The following DNAJC21 variants were observed in gnomAD, a reference collection of about 807,000 sequenced individuals.
DNAJC21 encodes the protein DnaJ heat shock protein family (Hsp40) member C21.
A neutral mutation model predicts 72.4 loss-of-function variants in DNAJC21; 63 were observed. The observed-to-expected ratio is 0.87, with a 90% CI of 0.71 to 1.07. DNAJC21 has a LOEUF of 1.07. Among genes scored for constraint, DNAJC21 ranks in the 50% least tolerant of loss-of-function variants. The probability of loss-of-function intolerance (pLI) is 0.00; values close to 1 mark genes in which losing one functional copy is unlikely to be tolerated. For missense variants in DNAJC21, 634 were observed against 644.8 expected (o/e 0.98, Z 0.18); for synonymous variants, 203 against 216.7 (o/e 0.94, Z 0.56).
chr5:34,951,745 T>C (rs1765374024), intron 10 of DNAJC21: 2 of 935,442 alleles, frequency 2.1e-6, no homozygotes, highest in African/African-American at 3.6e-5. Flanking sequence ...AGGGTGGTCT[T>C]GAACTCCTGA....
At chr5:34,949,749 T>C (rs956981666) in intron 9 of DNAJC21, 1 of 1,591,776 alleles carries the variant, frequency 6.3e-7, no homozygotes, top group Non-Finnish European at 8.6e-7. Flanking sequence ...TGTTTGTGAC[T>C]GTAGAAGAAT....
chr5:34,937,685 A>C, intron 5 of DNAJC21, 55 bp downstream of exon 5: 1 of 1,543,278 alleles, frequency 6.5e-7, no homozygotes, highest in Non-Finnish European at 8.7e-7. Flanking sequence ...CAGAGGCAGC[A>C]CCAGAGGTAC....
chr5:34,941,560 C>CTTTTT lies in DNAJC21; in HGVS notation c.983+396_983+400dup, dbSNP rs765889955. 5.7e-4 allele frequency among the ~76,000 whole-genome samples: 43 copies of CTTTTT among 76,092 alleles called. 2 individuals carry two copies. The highest frequency in any genetic ancestry group is 7.6e-4 in the Non-Finnish European group (32 of 42,008). 49.9% of individuals were successfully genotyped at this position (76,092 alleles called of 152,430 possible). ...TTTAGTATCTCTGAACTTGTGTTTT[C>CTTTTT]TTTTTTTTTTTTTTTTTTTTTTTGG... On this transcript the variant is annotated intron_variant, in intron 7 of 11. Transcript: ENST00000648817.
rs1272552705 is a variant in DNAJC21 at position 34,955,556 on chromosome 5, T to C, written c.*842T>C. On this transcript the variant is annotated 3_prime_UTR_variant, in exon 12 of 12. Transcript: ENST00000648817. Reference sequence around the variant, plus strand: ...AGAAGTTTTTGTTCTTTTTTTTTTTTCCATCACTCAGTGGAGAAAAGCTTT... The same window carrying C: ...AGAAGTTTTTGTTCTTTTTTTTTTTCCCATCACTCAGTGGAGAAAAGCTTT... 1 of 144,616 alleles carries C rather than the reference T, an allele frequency of 6.9e-6. No homozygotes were observed. Among genetic ancestry groups the C allele is most frequent in the African/African-American group, 2.5e-5 (1 of 39,602 alleles). 9.0% of individuals were successfully genotyped at this position (144,616 alleles called of 1,614,324 possible).
rs578162596 is a variant in DNAJC21, at chr5:34,956,779, G to A, written c.*2065G>A. 6.6e-6 allele frequency: 1 copy of A among 152,288 alleles called. No individual in the cohort carries two copies. Among genetic ancestry groups the A allele is most frequent in the South Asian group, 2.1e-4 (1 of 4,830 alleles). 9.4% of individuals were successfully genotyped at this position (152,288 alleles called of 1,614,324 possible). A position where few individuals can be genotyped will look rare whatever the true frequency, so the allele number is the denominator to read the frequency against. On this transcript the variant is annotated 3_prime_UTR_variant, in exon 12 of 12. Coordinates refer to ENST00000648817, the MANE Select transcript of DNAJC21 (RefSeq NM_001012339.3). ...CATAATTTTCAAGGGATCTTCATGG[G>A]TTGTGACTGGAAGCTGACCTTAGTC... is the stretch of plus-strand genomic sequence containing the variant.
At chr5:34,940,977 C>T (rs1764966386) in intron 6 of DNAJC21, 119 bp from the exon 7 acceptor site, 1 of 833,250 alleles carries the variant, frequency 1.2e-6, no homozygotes, top group Non-Finnish European at 1.9e-6. Context: ...CAACTCAAAT[C>T]CTTAGGATTA....
At chr5:34,933,697 T>A in intron 1 of DNAJC21, 118 bp from the exon 2 acceptor site, 4 of 661,682 alleles carry the variant, frequency 6.0e-6, no homozygotes, top group Non-Finnish European at 1.0e-5. Context: ...TGCTTGGCCC[T>A]GGTTGTTTCT....
intron 1 of DNAJC21, among the ~76,000 whole-genome samples, chr5:34,932,911 C>T (rs775268573): frequency 1.3e-4 from 20 of 152,362 alleles, no homozygotes; most frequent in Non-Finnish European, 2.9e-4. Context: ...CTTCTGCCAT[C>T]TCCTGTTGGT....
At chr5:34,935,130 G>A (rs1205344684) in intron 2 of DNAJC21, among the ~76,000 whole-genome samples, 1 of 152,192 alleles carries the variant, frequency 6.6e-6, no homozygotes, top group Non-Finnish European at 1.5e-5. Flanking sequence ...CAATGTAGGA[G>A]ACCTGCTTCT....
At chr5:34,954,196 A>C (rs751967640) in intron 11 of DNAJC21, 195 bp downstream of exon 11, 11 of 524,574 alleles carry the variant, frequency 2.1e-5, no homozygotes, top group Non-Finnish European at 9.8e-6. Flanking sequence ...TGGAAATGCT[A>C]GACTGTACCA....
chr5:34,946,962 GA>G (rs1765192242), intron 9 of DNAJC21, among the ~76,000 whole-genome samples: 1 of 152,132 alleles, frequency 6.6e-6, no homozygotes, highest in African/African-American at 2.4e-5. Flanking sequence ...TCTCGTTTAT[GA>G]TTCCTGATTG....
intron 9 of DNAJC21, 58 bp downstream of exon 9, chr5:34,945,861 A>G: frequency 8.1e-7 from 1 of 1,235,424 alleles, no homozygotes; most frequent in South Asian, 1.4e-5. Flanking sequence ...CAGTGCTCTT[A>G]TTTATTCAGT....
In DNAJC21 at chr5:34,936,986, G is replaced by A. The variant is rs28762981; in HGVS notation, c.439-340G>A. On this transcript the variant is annotated intron_variant, in intron 4 of 11. Transcript: ENST00000648817. Reference sequence around the variant, plus strand: ...GGCTGGTTTCAAACTCCTGACCTCAGGTGATCCACCCACCTCAGCCTTCCA... The same window carrying A: ...GGCTGGTTTCAAACTCCTGACCTCAAGTGATCCACCCACCTCAGCCTTCCA... Among the ~76,000 whole-genome samples the A allele has an allele frequency of 2.8e-3, 421 of 152,136 alleles. 3 individuals carry two copies. The highest frequency in any genetic ancestry group is 9.7e-3 in the African/African-American group (404 of 41,522).
At chr5:34,936,022 C>T in intron 3 of DNAJC21, 122 bp from the exon 4 acceptor site, 1 of 1,449,864 alleles carries the variant, frequency 6.9e-7, no homozygotes, top group Non-Finnish European at 9.3e-7. Context: ...AAATGTATTG[C>T]AGGGACTGAA....
At chr5:34,938,335 TAG>T (rs1289572880) in intron 5 of DNAJC21, among the ~76,000 whole-genome samples, 4 of 152,220 alleles carry the variant, frequency 2.6e-5, no homozygotes, top group Non-Finnish European at 5.9e-5. Context: ...CAGTAAATGG[TAG>T]AGTCAGGAAT....
intron 7 of DNAJC21, 24 bp from the exon 8 acceptor site, chr5:34,944,843 G>T (rs758790916): frequency 9.9e-6 from 16 of 1,613,350 alleles, no homozygotes; most frequent in Non-Finnish European, 1.3e-5. Flanking sequence ...TAGCGCAGCT[G>T]CTCACGTCAG....
chr5:34,945,062 T>C (rs764218375), intron 8 of DNAJC21, 37 bp downstream of exon 8: 25 of 1,601,800 alleles, frequency 1.6e-5, no homozygotes, highest in South Asian at 1.2e-4. Flanking sequence ...GAAATACTTA[T>C]CACATTCAGA....
In DNAJC21 at chr5:34,957,730, A is replaced by G. The variant is rs1184708255; in HGVS notation, c.*3016A>G. On this transcript the variant is annotated 3_prime_UTR_variant, in exon 12 of 12. Coordinates refer to ENST00000648817, the MANE Select transcript of DNAJC21 (RefSeq NM_001012339.3). ...GGAAGTAAAATTCCTATAGCAAGAC[A>G]TAGTTTCATTTTAGAGGACCCCCAA... The G allele has an allele frequency of 6.6e-6, 1 of 152,228 alleles. No homozygotes were observed. Among genetic ancestry groups the G allele is most frequent in the Non-Finnish European group, 1.5e-5 (1 of 68,034 alleles). 9.4% of individuals were successfully genotyped at this position (152,228 alleles called of 1,614,324 possible). A position where few individuals can be genotyped will look rare whatever the true frequency, so the allele number is the denominator to read the frequency against.
In DNAJC21 at chr5:34,950,281, G is replaced by A. The variant is rs34908091; in HGVS notation, c.1297G>A (p.Glu433Lys). ...CAAAGAATTGGAAGATAGTCCCCAG[G>A]AAAATGTCAGTGTCACAGAGATCAT... ...SAKELEDSPQ[E>K]NVSVTEIIKP... Residue 433 changes from glutamate (E) to lysine (K), a missense_variant, in exon 10 of 12, where the codon GAA becomes AAA. By Grantham distance (56) the Glu-to-Lys change is moderately conservative. Transcript: ENST00000648817. The A allele has an allele frequency of 5.4e-4, 866 of 1,613,820 alleles. 5 individuals carry two copies. In the African/African-American group the frequency reaches 0.011, roughly 20 times the overall value.
Sources: allele counts gnomAD v4.1 joint callset (sites outside exome capture counted in the v4.1 genomes callset), GRCh38; gene constraint gnomAD v4.1.1; transcripts MANE v1.5; gene names NCBI Gene and HGNC (gene_info 2026-07-23, HGNC 2026-07-21).